The following PHF2 variants were observed in gnomAD, a reference collection of about 807,000 sequenced individuals.
The protein encoded by PHF2 is lysine-specific demethylase PHF2.
Under a neutral mutation model 120.5 loss-of-function variants are expected in PHF2, and 27 were observed. That is an observed-to-expected ratio of 0.22 (90% CI 0.17 to 0.31). The LOEUF (loss-of-function observed/expected upper bound fraction) is 0.31. Ranked by LOEUF, PHF2 falls within the 10% of genes least tolerant of loss-of-function variation. The pLI, the probability that PHF2 is intolerant of heterozygous loss-of-function variation, is 1.00. For missense variants in PHF2, 1,024 were observed against 1,434.8 expected (o/e 0.71, Z 4.63); for synonymous variants, 568 against 592.5 (o/e 0.96, Z 0.60).
chr9:93,666,472 A>C (rs1260558559), intron 16 of PHF2, among the ~76,000 whole-genome samples: 1 of 152,202 alleles, frequency 6.6e-6, no homozygotes, highest in Non-Finnish European at 1.5e-5. Context: ...TCCTCTGTGA[A>C]CATGGTGCAC....
chr9:93,604,664 C>T (rs1488687912), intron 1 of PHF2, among the ~76,000 whole-genome samples: 2 of 152,076 alleles, frequency 1.3e-5, no homozygotes, highest in Non-Finnish European at 2.9e-5. Context: ...CAGGGTTTCA[C>T]TGTGTTAGCC....
At chr9:93,627,212 A>G (rs1417246889) in intron 1 of PHF2, among the ~76,000 whole-genome samples, 2 of 152,154 alleles carry the variant, frequency 1.3e-5, no homozygotes, top group Admixed American at 1.3e-4. Context: ...TCCTAGGTTA[A>G]ATTTATTCCT....
Position 93,663,177 on chromosome 9 carries a change from G to A in PHF2, c.1818+151G>A, listed in dbSNP as rs115528737. 10,582 of 1,097,034 alleles carry A rather than the reference G, an allele frequency of 9.6e-3. 652 individuals are homozygous for A. The African/African-American group carries it at 0.14, about 15-fold the overall frequency. The allele number at this position is 1,097,034 out of a possible 1,614,324, so 68.0% of individuals were successfully genotyped here. ...GTAGTGCTGTGGGGTGTGCTTACGT[G>A]GGTCTGAGGTGTGTGTGACCACCCA... On this transcript the variant is annotated intron_variant, in intron 13 of 21. Transcript: ENST00000359246.
rs1826544353 is a variant in PHF2, at chr9:93,660,462, T to C, written c.1600T>C (p.Ser534Pro). 1 of 1,556,472 alleles carries C rather than the reference T, an allele frequency of 6.4e-7. No individual in the cohort carries two copies. The highest frequency in any genetic ancestry group is 1.5e-5 in the African/African-American group (1 of 64,786). Reference protein sequence around the residue: ...KDGGKKKGKKSRESASPTIPN... With the variant: ...KDGGKKKGKKPRESASPTIPN... ...TGGAGGCAAGAAGAAAGGGAAGAAG[T>C]CCCGGGAGTCAGCCTCACCCACCAT... The change falls in exon 12 of 22, where the codon TCC becomes CCC. Residue 534 changes from serine to proline, a missense_variant. Around this residue, in one of 2 missense-constraint regions of PHF2, gnomAD observed 677 missense variants for 857.4 expected, o/e 0.79. Transcript: ENST00000359246.
At position 93,656,388 on chromosome 9, in the gene PHF2, A is replaced by G; in HGVS notation, c.1041-101A>G. The G allele has an allele frequency of 1.2e-6, 1 of 835,776 alleles. No homozygotes were observed. The highest frequency in any genetic ancestry group is 1.7e-5 in the African/African-American group (1 of 60,370). The allele number at this position is 835,776 out of a possible 1,614,324, so 51.8% of individuals were successfully genotyped here. ...GGTCCTCCTCAGCTATGCAGGGCCC[A>G]GTGGGGAGGCCTGAGCTGGTGTGTC... On this transcript the variant is annotated intron_variant, in intron 8 of 21. Transcript: ENST00000359246. The surrounding 1 kb of genome is among the most constrained non-coding windows in gnomAD (Gnocchi z 4.1).
At chr9:93,636,579 T>C in intron 3 of PHF2, 54 bp downstream of exon 3, 1 of 1,221,258 alleles carries the variant, frequency 8.2e-7, no homozygotes, top group Non-Finnish European at 1.2e-6. Flanking sequence ...ATGCACACTC[T>C]CTCCGTCCCT....
At chr9:93,591,324 A>C (rs1052903415) in intron 1 of PHF2, among the ~76,000 whole-genome samples, 2 of 152,240 alleles carry the variant, frequency 1.3e-5, no homozygotes, top group Non-Finnish European at 2.9e-5. Context: ...AGATGTAATG[A>C]AATTAGTCTT....
chr9:93,652,856 G>A (rs773299688), intron 5 of PHF2, among the ~76,000 whole-genome samples: 4 of 152,210 alleles, frequency 2.6e-5, no homozygotes, highest in Non-Finnish European at 2.9e-5. Context: ...CACATGGCAC[G>A]TGGCCAGTCT....
chr9:93,655,680 C>G (rs1162866603), intron 7 of PHF2, among the ~76,000 whole-genome samples: 1 of 152,242 alleles, frequency 6.6e-6, no homozygotes, highest in Non-Finnish European at 1.5e-5. Context: ...GTCTCAGACA[C>G]AGCCTCTCCC....
At chr9:93,598,838 C>T (rs1825380013) in intron 1 of PHF2, among the ~76,000 whole-genome samples, 1 of 152,168 alleles carries the variant, frequency 6.6e-6, no homozygotes, top group Non-Finnish European at 1.5e-5. Flanking sequence ...GAATGCATTC[C>T]CCTAAGAAGC....
At chr9:93,669,320 C>T (rs1826739823) in intron 17 of PHF2, among the ~76,000 whole-genome samples, 1 of 152,234 alleles carries the variant, frequency 6.6e-6, no homozygotes, top group Non-Finnish European at 1.5e-5. Flanking sequence ...CTGGCTGGCT[C>T]CTGAGCTGGG....
At chr9:93,672,642 G>A (rs1826827135) in intron 17 of PHF2, 1 of 984,866 alleles carries the variant, frequency 1.0e-6, no homozygotes, top group Non-Finnish European at 1.2e-6. Flanking sequence ...GCAGGTGCGG[G>A]GGTGGAGGTA....
chr9:93,616,845 G>A (rs1825737510), intron 1 of PHF2, among the ~76,000 whole-genome samples: 1 of 151,888 alleles, frequency 6.6e-6, no homozygotes. Context: ...TAGTAGAGAC[G>A]GGGTTTCTCC....
intron 10 of PHF2, 64 bp from the exon 11 acceptor site, chr9:93,659,447 T>A (rs925987965): frequency 3.7e-6 from 5 of 1,348,960 alleles, no homozygotes; most frequent in Non-Finnish European, 5.3e-6. Context: ...CCTGCAAGAA[T>A]GCAGGGGTAA....
At chr9:93,602,505 G>A (rs1412004089) in intron 1 of PHF2, among the ~76,000 whole-genome samples, 1 of 151,908 alleles carries the variant, frequency 6.6e-6, no homozygotes, top group Non-Finnish European at 1.5e-5. Context: ...CACCCACCTC[G>A]GCCTCCCAAA....
At chr9:93,664,672 C>G (rs1826643294) in intron 14 of PHF2, among the ~76,000 whole-genome samples, 1 of 152,244 alleles carries the variant, frequency 6.6e-6, no homozygotes, top group Admixed American at 6.5e-5. Flanking sequence ...TCTGCGGGGT[C>G]CTGTGGCTGC....
intron 6 of PHF2, 151 bp downstream of exon 6, chr9:93,653,516 G>C: frequency 1.4e-6 from 1 of 739,680 alleles, no homozygotes; most frequent in South Asian, 1.8e-5. Flanking sequence ...GGCCTCTGGA[G>C]ACATCTCTGG....
chr9:93,619,898 G>T (rs1394509585), intron 1 of PHF2, among the ~76,000 whole-genome samples: 1 of 152,112 alleles, frequency 6.6e-6, no homozygotes. Context: ...TGGCCTCTGA[G>T]GTCTGTGTGT....
At chr9:93,619,565 C>T (rs1028189771) in intron 1 of PHF2, among the ~76,000 whole-genome samples, 3 of 151,890 alleles carry the variant, frequency 2.0e-5, no homozygotes, top group African/African-American at 2.4e-5. Context: ...CTGCTGGTAG[C>T]CCCTGGTGGC....
Sources: allele counts gnomAD v4.1 joint callset (sites outside exome capture counted in the v4.1 genomes callset), GRCh38; gene constraint gnomAD v4.1.1; regional missense constraint gnomAD v4.1.1; non-coding constraint Gnocchi (gnomAD v3.1); transcripts MANE v1.5; gene names NCBI Gene and HGNC (gene_info 2026-07-23, HGNC 2026-07-21).